CELF2: variants seen among roughly 807,000 people sequenced by gnomAD.
The protein encoded by CELF2 is CUGBP Elav-like family member 2, also known as CUG triplet repeat RNA-binding protein 2.
A neutral mutation model predicts 62.6 loss-of-function variants in CELF2; 8 were observed. The ratio of observed to expected loss-of-function variants is 0.13; its 90% CI spans 0.07 to 0.23. The LOEUF is 0.23. CELF2 is among the 10% of genes least tolerant of loss of function. The probability of loss-of-function intolerance (pLI) is 1.00; values close to 1 mark genes in which losing one functional copy is unlikely to be tolerated. For missense variants in CELF2, 333 were observed against 671.0 expected (o/e 0.50, Z 5.56); for synonymous variants, 258 against 250.0 (o/e 1.03, Z -0.30).
At chr10:10,744,606 A>G in the CELF2 span, among the ~76,000 whole-genome samples, 1 of 152,150 alleles carries the variant, frequency 6.6e-6, no homozygotes, top group East Asian at 1.9e-4. Context: ...CCAAAATTCA[A>G]AGCAATTAGA....
the CELF2 span, among the ~76,000 whole-genome samples, chr10:10,638,722 T>C: frequency 5.5e-4 from 84 of 152,188 alleles, no homozygotes; most frequent in Non-Finnish European, 1.1e-3. Flanking sequence ...GAAATCTGAC[T>C]CAGGGCAAGG....
chr10:11,298,080 C>T (rs6602491), intron 9 of CELF2, among the ~76,000 whole-genome samples: 151,406 of 152,376 alleles, frequency 0.99, 75,227 homozygotes, highest in Middle Eastern at 1. Context: ...CAAAACATAT[C>T]TGTAGACCAA....
chr10:10,783,849 G>A, the CELF2 span, among the ~76,000 whole-genome samples: 17 of 152,082 alleles, frequency 1.1e-4, no homozygotes, highest in African/African-American at 1.4e-4. Context: ...GTAGCTGGGC[G>A]TGGTGGTACA....
intron 2 of CELF2, among the ~76,000 whole-genome samples, chr10:11,168,209 G>A (rs2067795600): frequency 6.6e-6 from 1 of 152,160 alleles, no homozygotes; most frequent in African/African-American, 2.4e-5. Context: ...AGGAGTTAGA[G>A]ATGAAATCAT....
chr10:11,167,995 T>C (rs2067733885), intron 2 of CELF2, among the ~76,000 whole-genome samples: 1 of 152,116 alleles, frequency 6.6e-6, no homozygotes, highest in Admixed American at 6.5e-5. Context: ...TGCGTCTTCA[T>C]GAGATGAGAT....
At position 11,314,026 on chromosome 10, in the gene CELF2, A is replaced by C; in HGVS notation, c.977-113A>C. The C allele has an allele frequency of 8.8e-7, 1 of 1,137,270 alleles. No individual in the cohort carries two copies. The highest frequency in any genetic ancestry group is 1.3e-6 in the Non-Finnish European group (1 of 788,940). The allele number at this position is 1,137,270 out of a possible 1,614,324, so 70.4% of individuals were successfully genotyped here. ...TCCCACATGTCCTTCACCCAAAGCC[A>C]CAAGCACAGCTCCTCAGCTCCGTCC... is the stretch of plus-strand genomic sequence containing the variant. On this transcript the variant is annotated intron_variant, in intron 9 of 12. Transcript: ENST00000633077. The surrounding 1 kb of genome is among the most constrained non-coding windows in gnomAD (Gnocchi z 5.3).
chr10:11,179,279 G>A (rs1011538907), intron 2 of CELF2, among the ~76,000 whole-genome samples: 5 of 127,122 alleles, frequency 3.9e-5, no homozygotes, highest in South Asian at 3.1e-4. Context: ...ATACTGTACT[G>A]TTAAAAAAAA....
At chr10:10,760,650 A>G in the CELF2 span, among the ~76,000 whole-genome samples, 4 of 152,320 alleles carry the variant, frequency 2.6e-5, no homozygotes, top group South Asian at 8.3e-4. Flanking sequence ...GCTCCTAAGC[A>G]GGGAACTCGG....
chr10:11,231,621 T>C (rs560356292), intron 3 of CELF2, among the ~76,000 whole-genome samples: 2 of 146,896 alleles, frequency 1.4e-5, no homozygotes, highest in Admixed American at 6.9e-5. Flanking sequence ...ATTTTGCTCA[T>C]TGCAACCAAA....
intron 1 of CELF2, among the ~76,000 whole-genome samples, chr10:10,913,256 T>C (rs1331528175): frequency 6.6e-6 from 1 of 152,126 alleles, no homozygotes; most frequent in Admixed American, 6.5e-5. Flanking sequence ...TGTCTTTAGA[T>C]TTTGTTTAAC....
chr10:11,002,145 G>A (rs1471991864), upstream of CELF2, among the ~76,000 whole-genome samples: 2 of 152,198 alleles, frequency 1.3e-5, no homozygotes, highest in East Asian at 1.9e-4. The surrounding 1 kb of genome is among the most constrained non-coding windows in gnomAD (Gnocchi z 4.4). Flanking sequence ...ATGGCGGAAG[G>A]CAAAAGTCAC....
chr10:10,967,918 G>GCACACACA (rs112085743), intron 2 of CELF2, among the ~76,000 whole-genome samples: 1 of 149,320 alleles, frequency 6.7e-6, no homozygotes, highest in African/African-American at 2.5e-5. Context: ...ATTAAGGTAA[G>GCACACACA]CACACACACA....
chr10:11,228,229 T>C (rs2067274631), intron 3 of CELF2, among the ~76,000 whole-genome samples: 1 of 152,226 alleles, frequency 6.6e-6, no homozygotes, highest in African/African-American at 2.4e-5. Context: ...GAAATAACAC[T>C]AAATGTTCAA....
At chr10:10,779,809 T>A in the CELF2 span, among the ~76,000 whole-genome samples, 2 of 152,026 alleles carry the variant, frequency 1.3e-5, no homozygotes, top group African/African-American at 4.8e-5. Context: ...TTTCCCTCCA[T>A]ATCTTAATTT....
intron 8 of CELF2, among the ~76,000 whole-genome samples, chr10:11,283,946 T>C (rs1361079405): frequency 8.5e-5 from 12 of 140,896 alleles, no homozygotes; most frequent in African/African-American, 3.3e-4. Flanking sequence ...GGTGGGTGGA[T>C]GAGGGATGAG....
chr10:11,257,271 GC>G (rs1398137030), intron 4 of CELF2, among the ~76,000 whole-genome samples: 1 of 135,922 alleles, frequency 7.4e-6, no homozygotes, highest in East Asian at 2.2e-4. Flanking sequence ...CGCTCCATCT[GC>G]CCCCATCGTC....
At chr10:10,976,850 G>T (rs1015569091) in intron 2 of CELF2, among the ~76,000 whole-genome samples, 4 of 151,974 alleles carry the variant, frequency 2.6e-5, no homozygotes, top group African/African-American at 4.8e-5. Context: ...GCACCACTGG[G>T]CATCTCTCTT....
intron 1 of CELF2, among the ~76,000 whole-genome samples, chr10:10,894,991 A>G (rs558895558): frequency 6.6e-6 from 1 of 152,204 alleles, no homozygotes; most frequent in Non-Finnish European, 1.5e-5. Flanking sequence ...TTGAGAATCA[A>G]ATGTGCTAGC....
chr10:10,656,760 T>C, the CELF2 span, among the ~76,000 whole-genome samples: 3 of 123,476 alleles, frequency 2.4e-5, no homozygotes, highest in Non-Finnish European at 5.2e-5. Flanking sequence ...TTGGGAGATA[T>C]ACCTAATGCT....
Sources: allele counts gnomAD v4.1 joint callset (sites outside exome capture counted in the v4.1 genomes callset), GRCh38; gene constraint gnomAD v4.1.1; non-coding constraint Gnocchi (gnomAD v3.1); transcripts MANE v1.5; gene names NCBI Gene and HGNC (gene_info 2026-07-23, HGNC 2026-07-21).